CHD2: variants seen among roughly 807,000 people sequenced by gnomAD.
The protein encoded by CHD2 is ATP-dependent chromatin remodeler CHD2.
Under a neutral mutation model 243.9 loss-of-function variants are expected in CHD2, and 28 were observed. The ratio of observed to expected loss-of-function variants is 0.11; its 90% CI spans 0.09 to 0.16. CHD2 has a LOEUF of 0.16. Among genes scored for constraint, CHD2 ranks in the 10% least tolerant of loss-of-function variants. The pLI is 1.00. For missense variants in CHD2, 1,386 were observed against 2,209.8 expected (o/e 0.63, Z 7.47); for synonymous variants, 775 against 779.0 (o/e 0.99, Z 0.09).
chr15:92,940,051 A>G (rs570314452), intron 7 of CHD2, among the ~76,000 whole-genome samples: 13 of 152,334 alleles, frequency 8.5e-5, no homozygotes, highest in Admixed American at 7.8e-4. Context: ...CTACTTCTGA[A>G]TTGCTCTTTG....
At chr15:92,958,652 GTC>G (rs2053646256) in intron 16 of CHD2, among the ~76,000 whole-genome samples, 1 of 152,138 alleles carries the variant, frequency 6.6e-6, no homozygotes, top group Non-Finnish European at 1.5e-5. Flanking sequence ...TATCAGTACA[GTC>G]CCCAACTTTC....
intron 19 of CHD2, among the ~76,000 whole-genome samples, chr15:92,973,274 G>C (rs2141837381): frequency 6.6e-6 from 1 of 152,162 alleles, no homozygotes; most frequent in Admixed American, 6.5e-5. Context: ...TCTCCTATGG[G>C]GAAAATTTCT....
intron 5 of CHD2, among the ~76,000 whole-genome samples, chr15:92,935,691 T>C (rs1001189443): frequency 1.3e-5 from 2 of 152,232 alleles, no homozygotes; most frequent in Non-Finnish European, 2.9e-5. Context: ...GTCTCCCACT[T>C]ACTGTAAACA....
intron 16 of CHD2, among the ~76,000 whole-genome samples, chr15:92,961,170 G>A (rs1311567909): frequency 6.6e-6 from 1 of 152,108 alleles, no homozygotes; most frequent in Non-Finnish European, 1.5e-5. Flanking sequence ...TAAGTTTAGT[G>A]TTATTTCTTC....
intron 4 of CHD2, among the ~76,000 whole-genome samples, 171 bp downstream of exon 4, chr15:92,927,501 A>C (rs930679825): frequency 2.0e-5 from 3 of 152,202 alleles, no homozygotes; most frequent in African/African-American, 7.2e-5. Flanking sequence ...GTTAATAATC[A>C]AATAAAAGAA....
chr15:92,983,733 A>G (rs2054008315), intron 24 of CHD2, among the ~76,000 whole-genome samples: 1 of 152,234 alleles, frequency 6.6e-6, no homozygotes, highest in African/African-American at 2.4e-5. Flanking sequence ...TAAGAAATGA[A>G]GAGAATATTC....
rs1208275770 is a variant in CHD2, at chr15:92,981,423, C to T, written c.3032C>T (p.Thr1011Ile). The change falls in exon 24 of 39, where the codon ACA (threonine) becomes ATA (isoleucine). Residue 1011 changes from threonine to isoleucine, a missense_variant. By Grantham distance (89) the Thr-to-Ile change is moderately conservative. Around this residue, in one of 19 missense-constraint regions of CHD2, gnomAD observed 99 missense variants for 206.4 expected, o/e 0.48. Transcript: ENST00000394196. The part of the protein sequence containing the change: ...LAETRENEVS[T>I]SATDELLSQF... ...GAAACGAGAGAGAATGAAGTGTCAA[C>T]AAGTGCAACAGATGAACTTCTATCA... The T allele has an allele frequency of 1.9e-6, 3 of 1,613,680 alleles. No individual in the cohort carries two copies. Among genetic ancestry groups the T allele is most frequent in the South Asian group, 2.2e-5 (2 of 91,056 alleles).
chr15:93,000,667 TTA>T, intron 32 of CHD2, 27 bp downstream of exon 32: 2 of 1,592,670 alleles, frequency 1.3e-6, no homozygotes, highest in Non-Finnish European at 1.7e-6. Flanking sequence ...CGGTTGAGGG[TTA>T]TTTATTTATT....
At chr15:92,984,955 C>T (rs2054023300) in intron 25 of CHD2, among the ~76,000 whole-genome samples, 1 of 152,170 alleles carries the variant, frequency 6.6e-6, no homozygotes, top group African/African-American at 2.4e-5. Flanking sequence ...CAGACACTAT[C>T]TAATTTGATT....
At chr15:92,917,294 C>G (rs1460865011) in intron 2 of CHD2, among the ~76,000 whole-genome samples, 1 of 152,212 alleles carries the variant, frequency 6.6e-6, no homozygotes, top group Non-Finnish European at 1.5e-5. Flanking sequence ...CGCAGTGGCT[C>G]ATGCCTGTAA....
chr15:92,985,722 T>C (rs368488060), intron 26 of CHD2, 49 bp downstream of exon 26: 30 of 1,564,364 alleles, frequency 1.9e-5, no homozygotes, highest in Non-Finnish European at 2.5e-5. Context: ...GTGCGTACTG[T>C]AAGTCTTGGG....
At chr15:92,993,925 T>C (rs535424238) in intron 28 of CHD2, among the ~76,000 whole-genome samples, 19 of 152,164 alleles carry the variant, frequency 1.2e-4, no homozygotes, top group African/African-American at 4.1e-4. Flanking sequence ...TGAGTTGAGA[T>C]CATGCCACTG....
At position 92,993,166 on chromosome 15, in the gene CHD2, G is replaced by A; in HGVS notation, c.3595+168G>A. On this transcript the variant is annotated intron_variant, in intron 28 of 38. Transcript: ENST00000394196. ...GAGCTTAATATTCTACTCTCCTACAGGTCTACTCACAAATGAAGTTGATTT... is the reference window on the plus strand; with the variant it reads ...GAGCTTAATATTCTACTCTCCTACAAGTCTACTCACAAATGAAGTTGATTT... 4 of 622,374 alleles carry A rather than the reference G, an allele frequency of 6.4e-6. 1 individual carries two copies. The South Asian group carries it at 8.3e-5, about 13-fold the overall frequency. The allele number at this position is 622,374 out of a possible 1,614,324, so 38.6% of individuals were successfully genotyped here.
chr15:93,024,554 C>T lies in CHD2; in HGVS notation c.5336C>T (p.Pro1779Leu). Residue 1779 changes from proline (P) to leucine (L), a missense_variant, in exon 39 of 39, where the codon CCA becomes CTA. Pro to Leu is a moderately conservative substitution (Grantham distance 98, BLOSUM62 -3). Coordinates refer to ENST00000394196, the MANE Select transcript of CHD2 (RefSeq NM_001271.4). Reference protein sequence around the residue: ...KLGEYKQPLPPLHPAVSDPRS... With the variant: ...KLGEYKQPLPLLHPAVSDPRS... ...GGGGAATATAAACAGCCTCTACCCC[C>T]ATTGCACCCTGCAGTCTCAGATCCT... is the stretch of plus-strand genomic sequence containing the variant. 6.2e-7 allele frequency: 1 copy of T among 1,614,216 alleles called. No individual in the cohort carries two copies. Among genetic ancestry groups the T allele is most frequent in the Non-Finnish European group, 8.5e-7 (1 of 1,180,038 alleles).
At chr15:92,994,524 G>A (rs953719455) in intron 28 of CHD2, among the ~76,000 whole-genome samples, 1 of 152,050 alleles carries the variant, frequency 6.6e-6, no homozygotes, top group Non-Finnish European at 1.5e-5. Context: ...CAAATAACTT[G>A]TATGGTTTGC....
chr15:92,919,557 A>G (rs2052914319), intron 2 of CHD2, among the ~76,000 whole-genome samples: 1 of 151,876 alleles, frequency 6.6e-6, no homozygotes, highest in Non-Finnish European at 1.5e-5. Flanking sequence ...TGCCCAGCTA[A>G]TTTTTTGTAT....
chr15:92,973,564 C>T (rs140109564), intron 19 of CHD2, among the ~76,000 whole-genome samples: 1,955 of 152,118 alleles, frequency 0.013, 42 homozygotes, highest in African/African-American at 0.043. Flanking sequence ...TTCAAAATAC[C>T]CTGAAAGGCA....
intron 19 of CHD2, among the ~76,000 whole-genome samples, chr15:92,972,806 C>A (rs567262090): frequency 9.4e-5 from 1 of 10,676 alleles, no homozygotes; most frequent in Non-Finnish European, 4.9e-4. Context: ...AGCCGAGATC[C>A]CGCCACTGCA....
chr15:92,988,894 A>T (rs2054079395), intron 26 of CHD2, among the ~76,000 whole-genome samples: 1 of 151,794 alleles, frequency 6.6e-6, no homozygotes, highest in South Asian at 2.1e-4. Context: ...CTCTAGGCAG[A>T]CTTTTTTTAA....
Sources: allele counts gnomAD v4.1 joint callset (sites outside exome capture counted in the v4.1 genomes callset), GRCh38; gene constraint gnomAD v4.1.1; regional missense constraint gnomAD v4.1.1; transcripts MANE v1.5; gene names NCBI Gene and HGNC (gene_info 2026-07-23, HGNC 2026-07-21).